CCSER2: variants seen among roughly 807,000 people sequenced by gnomAD.
The protein encoded by CCSER2 is coiled-coil serine rich protein 2.
In CCSER2, 46 loss-of-function variants were observed where a neutral mutation model predicts 92.3. The observed-to-expected ratio is 0.50, with a 90% CI of 0.39 to 0.64. CCSER2 has a LOEUF of 0.64. Among genes scored for constraint, CCSER2 ranks in the 30% least tolerant of loss-of-function variants. The pLI, the probability that CCSER2 is intolerant of heterozygous loss-of-function variation, is 0.00. For synonymous variants in CCSER2, 433 were observed against 431.4 expected (o/e 1.00, Z -0.04); for missense variants, 1,244 against 1,238.9 (o/e 1.00, Z -0.06).
intron 3 of CCSER2, among the ~76,000 whole-genome samples, chr10:84,384,289 A>T (rs551823125): frequency 6.6e-6 from 1 of 152,146 alleles, no homozygotes. Context: ...AACCAATATC[A>T]TCCTGGTACC....
intron 6 of CCSER2, chr10:84,456,159 T>A (rs555209817): frequency 3.5e-5 from 10 of 286,240 alleles, no homozygotes; most frequent in East Asian, 1.9e-4. Context: ...CCCACCTGCA[T>A]GAATTCAGTG....
At chr10:84,415,127 C>A (rs1305701322) in intron 3 of CCSER2, among the ~76,000 whole-genome samples, 1 of 152,176 alleles carries the variant, frequency 6.6e-6, no homozygotes, top group Non-Finnish European at 1.5e-5. Context: ...GTTAACTCAC[C>A]TTCTGAAGCC....
chr10:84,479,803 GT>G (rs1354321856), intron 9 of CCSER2, among the ~76,000 whole-genome samples: 1 of 152,148 alleles, frequency 6.6e-6, no homozygotes, highest in Non-Finnish European at 1.5e-5. Flanking sequence ...GTATACAGCA[GT>G]CTTATTTTAG....
At chr10:84,415,201 C>T (rs1027302328) in intron 3 of CCSER2, among the ~76,000 whole-genome samples, 4 of 152,148 alleles carry the variant, frequency 2.6e-5, no homozygotes, top group African/African-American at 4.8e-5. Flanking sequence ...AGAAGTGTTG[C>T]GGTCATTTGC....
chr10:84,347,032 C>T (rs1484688189), intron 1 of CCSER2, among the ~76,000 whole-genome samples: 2 of 152,102 alleles, frequency 1.3e-5, no homozygotes, highest in South Asian at 4.1e-4. Context: ...GCACATCTTG[C>T]ACCGCCCTTA....
chr10:84,330,581 C>G (rs1205967626), intron 1 of CCSER2, among the ~76,000 whole-genome samples: 1 of 152,240 alleles, frequency 6.6e-6, no homozygotes, highest in Admixed American at 6.5e-5. Flanking sequence ...GGCCTCATCT[C>G]GGCTCACTGC....
intron 3 of CCSER2, chr10:84,389,439 G>A (rs1841402176): frequency 2.2e-6 from 1 of 444,960 alleles, no homozygotes; most frequent in South Asian, 1.7e-5. Context: ...GAGGGAGAAG[G>A]TACCACGTCA....
At chr10:84,362,929 T>C (rs1028377696) in intron 1 of CCSER2, among the ~76,000 whole-genome samples, 5 of 151,944 alleles carry the variant, frequency 3.3e-5, no homozygotes, top group African/African-American at 1.2e-4. Context: ...CTCTGCCTTC[T>C]GGGTTCAAGC....
chr10:84,478,475 A>G (rs1192081695), intron 9 of CCSER2, among the ~76,000 whole-genome samples: 3 of 152,248 alleles, frequency 2.0e-5, no homozygotes, highest in African/African-American at 7.2e-5. Context: ...AATGGCTAAT[A>G]TAATCAGCAA....
At chr10:84,332,121 G>C (rs1433912428) in intron 1 of CCSER2, among the ~76,000 whole-genome samples, 3 of 152,034 alleles carry the variant, frequency 2.0e-5, no homozygotes, top group Non-Finnish European at 2.9e-5. Flanking sequence ...GAGTTTGGTT[G>C]ACCATTTCTA....
intron 3 of CCSER2, among the ~76,000 whole-genome samples, chr10:84,412,258 T>A (rs539615596): frequency 2.0e-5 from 3 of 152,282 alleles, no homozygotes; most frequent in South Asian, 2.1e-4. Flanking sequence ...TCTTTTTTTT[T>A]ATTGTATCTC....
intron 6 of CCSER2, among the ~76,000 whole-genome samples, chr10:84,457,590 ATT>A (rs1564685993): frequency 1.0e-3 from 12 of 11,852 alleles, no homozygotes; most frequent in African/African-American, 4.6e-3. Flanking sequence ...ATTATATATA[ATT>A]ATATATTTAT....
intron 2 of CCSER2, 81 bp from the exon 3 acceptor site, chr10:84,373,538 A>T (rs562849823): frequency 1.2e-5 from 13 of 1,083,214 alleles, no homozygotes; most frequent in Admixed American, 7.6e-5. Flanking sequence ...GCTATGATAT[A>T]TCAAATTATT....
At chr10:84,499,670 T>TA (rs950814621) in intron 9 of CCSER2, among the ~76,000 whole-genome samples, 3 of 152,146 alleles carry the variant, frequency 2.0e-5, no homozygotes, top group Non-Finnish European at 4.4e-5. Flanking sequence ...AATAATTTTT[T>TA]AAAAAAATAT....
chr10:84,379,483 A>G (rs1840776216), intron 3 of CCSER2, among the ~76,000 whole-genome samples: 1 of 152,076 alleles, frequency 6.6e-6, no homozygotes, highest in Admixed American at 6.6e-5. Context: ...TTGACATGGA[A>G]ACTAGATAAT....
At chr10:84,334,981 A>C (rs1843751948) in intron 1 of CCSER2, among the ~76,000 whole-genome samples, 1 of 152,152 alleles carries the variant, frequency 6.6e-6, no homozygotes, top group Non-Finnish European at 1.5e-5. Flanking sequence ...GGTAGTTGTT[A>C]CTGCTCTCCT....
At chr10:84,447,156 T>A (rs889993465) in intron 6 of CCSER2, among the ~76,000 whole-genome samples, 1 of 152,200 alleles carries the variant, frequency 6.6e-6, no homozygotes, top group Non-Finnish European at 1.5e-5. Flanking sequence ...GGAAATAGTT[T>A]ACCCTAGAAA....
intron 3 of CCSER2, among the ~76,000 whole-genome samples, chr10:84,379,891 A>G (rs1325496555): frequency 1.3e-5 from 2 of 152,152 alleles, no homozygotes; most frequent in Non-Finnish European, 2.9e-5. Flanking sequence ...TTCCCCTGCT[A>G]ATCTACATTT....
At chr10:84,488,532 G>A (rs1416323772) in intron 9 of CCSER2, among the ~76,000 whole-genome samples, 1 of 152,150 alleles carries the variant, frequency 6.6e-6, no homozygotes, top group Non-Finnish European at 1.5e-5. Flanking sequence ...TTGCATAGAG[G>A]TGTTTATGGT....
Sources: allele counts gnomAD v4.1 joint callset (sites outside exome capture counted in the v4.1 genomes callset), GRCh38; gene constraint gnomAD v4.1.1; transcripts MANE v1.5; gene names NCBI Gene and HGNC (gene_info 2026-07-23, HGNC 2026-07-21).